TMEM178B: variants seen among roughly 807,000 people sequenced by gnomAD.
TMEM178B encodes transmembrane protein 178B.
TMEM178B carries 5 observed loss-of-function variants against 31.0 expected under a neutral mutation model. That is an observed-to-expected ratio of 0.16 (90% CI 0.08 to 0.34). TMEM178B has a LOEUF of 0.34. Among genes scored for constraint, TMEM178B ranks in the 10% least tolerant of loss-of-function variants. The pLI is 1.00. For synonymous variants in TMEM178B, 164 were observed against 164.0 expected, an observed-to-expected ratio of 1.00 and a Z score of 0.00; for missense variants, 275 against 400.3, an observed-to-expected ratio of 0.69 and a Z score of 2.67.
chr7:141,309,943 A>G (rs563728067), intron 2 of TMEM178B, among the ~76,000 whole-genome samples: 1 of 152,364 alleles, frequency 6.6e-6, no homozygotes, highest in East Asian at 1.9e-4. Context: ...CTCAAGATGG[A>G]TTAAAGACTT....
rs1802280427 is a variant in TMEM178B at position 141,473,190 on chromosome 7, CT to C, written c.*2405del. On this transcript the variant is annotated 3_prime_UTR_variant, in exon 4 of 4. Coordinates refer to ENST00000565468, the MANE Select transcript of TMEM178B (RefSeq NM_001195278.2). Reference sequence around the variant, plus strand: ...TAATTTTCTTTGAAAAGTTAGATTTCTCCCTTAAGGGGAAGGGCATACTTGG... The same window carrying C: ...TAATTTTCTTTGAAAAGTTAGATTTCCCCTTAAGGGGAAGGGCATACTTGG... 2 of 152,206 alleles carry C rather than the reference CT, an allele frequency of 1.3e-5. No homozygotes were observed. 9.4% of individuals were successfully genotyped at this position (152,206 alleles called of 1,614,324 possible).
intron 2 of TMEM178B, among the ~76,000 whole-genome samples, chr7:141,435,478 A>C (rs1415348247): frequency 6.6e-6 from 1 of 152,208 alleles, no homozygotes; most frequent in Non-Finnish European, 1.5e-5. Flanking sequence ...TTGTCTACTG[A>C]GAAGGCAGCT....
chr7:141,493,777 C>G, the TMEM178B span, among the ~76,000 whole-genome samples: 1 of 152,052 alleles, frequency 6.6e-6, no homozygotes, highest in South Asian at 2.1e-4. Context: ...GGCTATTTTC[C>G]CTTCCTTCAC....
chr7:141,196,086 T>A (rs1796778667), intron 1 of TMEM178B, among the ~76,000 whole-genome samples: 1 of 152,192 alleles, frequency 6.6e-6, no homozygotes, highest in Admixed American at 6.5e-5. Context: ...TACGTATCAA[T>A]GTGCAGTTCT....
intron 2 of TMEM178B, among the ~76,000 whole-genome samples, chr7:141,243,696 T>G (rs1797680753): frequency 6.6e-6 from 1 of 152,186 alleles, no homozygotes; most frequent in Non-Finnish European, 1.5e-5. Context: ...CAGATCTATT[T>G]TGCAGAACAT....
intron 2 of TMEM178B, among the ~76,000 whole-genome samples, chr7:141,232,106 C>A (rs973638623): frequency 3.3e-5 from 5 of 152,170 alleles, no homozygotes; most frequent in Non-Finnish European, 7.3e-5. Context: ...TAATGGCTTC[C>A]AGCTCCATCC....
chr7:141,215,337 A>ATTTATTTTTT (rs1554463529), intron 2 of TMEM178B, among the ~76,000 whole-genome samples: 3 of 141,488 alleles, frequency 2.1e-5, no homozygotes, highest in Non-Finnish European at 3.1e-5. Flanking sequence ...TATTATTATT[A>ATTTATTTTTT]TTTTTTGAGA....
At chr7:141,334,618 T>C (rs911154374) in intron 2 of TMEM178B, among the ~76,000 whole-genome samples, 20 of 152,118 alleles carry the variant, frequency 1.3e-4, no homozygotes, top group Non-Finnish European at 2.5e-4. Context: ...CAAAGATCTA[T>C]TGAAGGGGGT....
intron 1 of TMEM178B, among the ~76,000 whole-genome samples, chr7:141,191,591 T>C (rs899452410): frequency 1.3e-5 from 2 of 152,034 alleles, no homozygotes; most frequent in African/African-American, 4.8e-5. Context: ...GTAGCTGTCT[T>C]ATTTTGAGTG....
At chr7:141,504,608 C>T in the TMEM178B span, among the ~76,000 whole-genome samples, 2 of 152,190 alleles carry the variant, frequency 1.3e-5, no homozygotes, top group Admixed American at 1.3e-4. Context: ...TCAAGGTAAA[C>T]TAGTCCCACT....
At chr7:141,288,761 TAA>T (rs1417726664) in intron 2 of TMEM178B, among the ~76,000 whole-genome samples, 1 of 152,184 alleles carries the variant, frequency 6.6e-6, no homozygotes, top group Non-Finnish European at 1.5e-5. Flanking sequence ...GGCTCTACAG[TAA>T]AGAGTGACGT....
At chr7:141,223,727 A>T (rs932664246) in intron 2 of TMEM178B, among the ~76,000 whole-genome samples, 1 of 152,054 alleles carries the variant, frequency 6.6e-6, no homozygotes, top group African/African-American at 2.4e-5. Context: ...GAAGGTTGGC[A>T]CAGAATACAG....
At chr7:141,223,479 C>CTTTTTTTTTTTTTTTTTTTTT (rs10680431) in intron 2 of TMEM178B, among the ~76,000 whole-genome samples, 1 of 131,148 alleles carries the variant, frequency 7.6e-6, no homozygotes, top group African/African-American at 3.0e-5. Flanking sequence ...TGTTTTCACT[C>CTTTTTTTTTTTTTTTTTTTTT]TTTTTTTTTT....
intron 2 of TMEM178B, among the ~76,000 whole-genome samples, chr7:141,423,723 C>T (rs184556202): frequency 6.6e-6 from 1 of 151,714 alleles, no homozygotes; most frequent in East Asian, 1.9e-4. Context: ...GCTGTTCAAA[C>T]GAATTGCCAT....
chr7:141,378,889 T>A (rs1800264488), intron 2 of TMEM178B, among the ~76,000 whole-genome samples: 1 of 152,204 alleles, frequency 6.6e-6, no homozygotes, highest in African/African-American at 2.4e-5. Context: ...TGGGATATGC[T>A]GCCACTAGCC....
intron 2 of TMEM178B, among the ~76,000 whole-genome samples, chr7:141,421,057 A>G (rs1196365552): frequency 6.6e-6 from 1 of 152,182 alleles, no homozygotes; most frequent in Non-Finnish European, 1.5e-5. Flanking sequence ...TTCCCAGGAC[A>G]GCAGCCACTA....
intron 3 of TMEM178B, among the ~76,000 whole-genome samples, chr7:141,458,236 C>G (rs1385317995): frequency 6.6e-6 from 1 of 152,218 alleles, no homozygotes; most frequent in Non-Finnish European, 1.5e-5. Context: ...TATCCTGCCT[C>G]AGCCTCCTGA....
chr7:141,286,472 G>A (rs1328846300), intron 2 of TMEM178B, among the ~76,000 whole-genome samples: 1 of 152,130 alleles, frequency 6.6e-6, no homozygotes, highest in Non-Finnish European at 1.5e-5. Flanking sequence ...AGATGGTATG[G>A]TAACTTAAAG....
At chr7:141,241,511 A>G (rs1464959906) in intron 2 of TMEM178B, among the ~76,000 whole-genome samples, 2 of 147,610 alleles carry the variant, frequency 1.4e-5, no homozygotes, top group East Asian at 2.1e-4. Flanking sequence ...AATCACTTGA[A>G]CCCAGGAGGC....
Sources: allele counts gnomAD v4.1 joint callset (sites outside exome capture counted in the v4.1 genomes callset), GRCh38; gene constraint gnomAD v4.1.1; transcripts MANE v1.5; gene names NCBI Gene and HGNC (gene_info 2026-07-23, HGNC 2026-07-21).